PRKG1: variants seen among roughly 807,000 people sequenced by gnomAD.
The protein encoded by PRKG1 is cGMP-dependent protein kinase 1.
In PRKG1, 35 loss-of-function variants were observed where a neutral mutation model predicts 88.1. The ratio of observed to expected loss-of-function variants is 0.40; its 90% confidence interval spans 0.30 to 0.53. PRKG1 has a LOEUF of 0.53. Ranked by LOEUF, PRKG1 falls within the 20% of genes least tolerant of loss-of-function variation. PRKG1 has a pLI of 0.59. For missense variants in PRKG1, 540 were observed against 839.8 expected, an observed-to-expected ratio of 0.64 and a Z score of 4.41; for synonymous variants, 303 against 292.5, an observed-to-expected ratio of 1.04 and a Z score of -0.37.
intron 4 of PRKG1, among the ~76,000 whole-genome samples, chr10:51,831,760 G>C (rs1385780235): frequency 6.6e-6 from 1 of 152,122 alleles, no homozygotes; most frequent in Non-Finnish European, 1.5e-5. Flanking sequence ...CCTTAAAAGA[G>C]GCTTTCTGAG....
chr10:51,012,485 C>T (rs1346497221), intron 1 of PRKG1, among the ~76,000 whole-genome samples: 1 of 152,222 alleles, frequency 6.6e-6, no homozygotes, highest in African/African-American at 2.4e-5. Context: ...AGTCTACCTC[C>T]CTTCCAAGAC....
At chr10:51,152,337 T>C (rs1377894428) in intron 1 of PRKG1, among the ~76,000 whole-genome samples, 1 of 152,104 alleles carries the variant, frequency 6.6e-6, no homozygotes, top group East Asian at 1.9e-4. Flanking sequence ...GAGTTGTATC[T>C]GCCTGGTTAC....
chr10:52,046,987 C>G (rs1011224676), intron 5 of PRKG1: 1 of 151,970 alleles, frequency 6.6e-6, no homozygotes, highest in Non-Finnish European at 1.5e-5. Context: ...AATAGAGTGT[C>G]CCGAGTGGAA....
chr10:52,073,760 C>T (rs982411496), intron 7 of PRKG1, among the ~76,000 whole-genome samples: 4 of 152,030 alleles, frequency 2.6e-5, no homozygotes, highest in African/African-American at 9.7e-5. Flanking sequence ...GATATAATGG[C>T]CCATTGGACT....
At chr10:51,673,058 A>T (rs1840623676) in intron 3 of PRKG1, among the ~76,000 whole-genome samples, 2 of 152,096 alleles carry the variant, frequency 1.3e-5, no homozygotes, top group Admixed American at 1.3e-4. Flanking sequence ...TACTGTAAAA[A>T]ACCTCCAGAG....
chr10:51,577,565 A>G (rs1368633495), intron 3 of PRKG1, among the ~76,000 whole-genome samples: 3 of 152,180 alleles, frequency 2.0e-5, no homozygotes, highest in East Asian at 3.9e-4. Flanking sequence ...GGATCTAGAT[A>G]AGTAGTTTTG....
intron 7 of PRKG1, among the ~76,000 whole-genome samples, chr10:52,082,303 A>G (rs2133306600): frequency 6.6e-6 from 1 of 152,228 alleles, no homozygotes; most frequent in Non-Finnish European, 1.5e-5. Flanking sequence ...GGACACAGCC[A>G]AACCATATCA....
At chr10:51,289,912 G>A (rs1049024067) in intron 2 of PRKG1, among the ~76,000 whole-genome samples, 2 of 152,144 alleles carry the variant, frequency 1.3e-5, no homozygotes, top group African/African-American at 4.8e-5. Context: ...AGTTGTGGTA[G>A]TCTCATTCAC....
chr10:52,009,756 T>C (rs749330392), intron 5 of PRKG1, among the ~76,000 whole-genome samples: 1 of 152,066 alleles, frequency 6.6e-6, no homozygotes, highest in Non-Finnish European at 1.5e-5. Context: ...AGGCATAACA[T>C]ACTCAACTTC....
chr10:51,458,846 A>G (rs74777883), intron 2 of PRKG1, among the ~76,000 whole-genome samples: 2,297 of 152,258 alleles, frequency 0.015, 43 homozygotes, highest in Middle Eastern at 0.044. Context: ...CCAAACATGG[A>G]TCGAAACTAC....
At chr10:51,354,688 T>C (rs539969876) in intron 2 of PRKG1, among the ~76,000 whole-genome samples, 1 of 152,232 alleles carries the variant, frequency 6.6e-6, no homozygotes, top group Admixed American at 6.5e-5. Context: ...CTCACACATA[T>C]TGCTTTGAGA....
intron 2 of PRKG1, among the ~76,000 whole-genome samples, chr10:51,222,928 A>G (rs961179205): frequency 1.3e-5 from 2 of 152,020 alleles, no homozygotes; most frequent in African/African-American, 4.8e-5. Context: ...AAAAGTACAT[A>G]TGTATACAAT....
intron 9 of PRKG1, chr10:52,242,153 T>C (rs947778386): frequency 6.6e-6 from 1 of 152,138 alleles, no homozygotes. Context: ...GGAGGAGTCA[T>C]TTTCATCTAT....
chr10:52,200,117 T>C (rs1839626070), intron 9 of PRKG1, among the ~76,000 whole-genome samples: 1 of 152,128 alleles, frequency 6.6e-6, no homozygotes, highest in South Asian at 2.1e-4. Flanking sequence ...TGTAGGTAAA[T>C]TGGATTGTGG....
intron 5 of PRKG1, among the ~76,000 whole-genome samples, chr10:51,934,384 A>G (rs1361274428): frequency 3.3e-5 from 5 of 152,080 alleles, no homozygotes; most frequent in Non-Finnish European, 7.4e-5. Context: ...TGAAAATTCT[A>G]TTAGGGAAAT....
intron 5 of PRKG1, among the ~76,000 whole-genome samples, chr10:51,924,469 T>C (rs1216743852): frequency 1.3e-5 from 2 of 152,136 alleles, no homozygotes; most frequent in East Asian, 3.8e-4. Context: ...TTCAAGATTT[T>C]CTCGGTCTTT....
In PRKG1 at chr10:51,627,970, C is replaced by CTCTT. The variant is rs1554826900; in HGVS notation, c.592+160154_592+160157dup. On this transcript the variant is annotated intron_variant, in intron 3 of 17. Transcript: ENST00000373980. ...TCTTTCTTTCTTTCTTTCTTTCTTT[C>CTCTT]TCTTTCTTTCTTTCTTTCTTTCTCT... Among the ~76,000 whole-genome samples the CTCTT allele has an allele frequency of 3.4e-4, 29 of 86,366 alleles. No individual in the cohort carries two copies. The South Asian group carries it at 3.6e-3, about 11-fold the overall frequency. 56.7% of individuals were successfully genotyped at this position (86,366 alleles called of 152,430 possible). A position where few individuals can be genotyped will look rare whatever the true frequency, so the allele number is the denominator to read the frequency against.
chr10:52,185,883 G>C (rs753467479), intron 9 of PRKG1, among the ~76,000 whole-genome samples: 1 of 152,182 alleles, frequency 6.6e-6, no homozygotes, highest in African/African-American at 2.4e-5. Flanking sequence ...AGGATGCAAA[G>C]AGCAGTGTCC....
At chr10:51,797,079 G>A (rs761905118) in intron 3 of PRKG1, among the ~76,000 whole-genome samples, 5 of 151,838 alleles carry the variant, frequency 3.3e-5, no homozygotes, top group Non-Finnish European at 7.4e-5. Flanking sequence ...TTTATCTGGA[G>A]GGGTAGAGGC....
Sources: gnomAD v4.1 joint callset for allele counts (sites outside exome capture counted in the v4.1 genomes callset) on GRCh38, gnomAD v4.1.1 for gene constraint, MANE v1.5 for transcripts, NCBI Gene and HGNC (gene_info 2026-07-23, HGNC 2026-07-21) for gene names.